PABPC4L: variants seen among roughly 807,000 people sequenced by gnomAD.
PABPC4L encodes polyadenylate-binding protein 4-like.
For synonymous variants in PABPC4L, 169 were observed against 164.1 expected (o/e 1.03, Z -0.23); for missense variants, 452 against 451.4 (o/e 1.00, Z -0.01).
At chr4:134,072,996 G>A in the PABPC4L span, among the ~76,000 whole-genome samples, 10 of 152,034 alleles carry the variant, frequency 6.6e-5, no homozygotes, top group Non-Finnish European at 1.0e-4. Context: ...ATGAGATTTC[G>A]GTGGGGACAC....
At chr4:134,132,524 A>G in the PABPC4L span, among the ~76,000 whole-genome samples, 73 of 152,056 alleles carry the variant, frequency 4.8e-4, no homozygotes, top group East Asian at 0.013. Context: ...ACCACCTCAC[A>G]CTGGCAAGAA....
At chr4:134,125,360 G>T in the PABPC4L span, among the ~76,000 whole-genome samples, 1 of 151,574 alleles carries the variant, frequency 6.6e-6, no homozygotes, top group Non-Finnish European at 1.5e-5. Context: ...TGTGCACAAA[G>T]TGCAGGTTAG....
chr4:134,177,572 A>G, the PABPC4L span, among the ~76,000 whole-genome samples: 1 of 152,224 alleles, frequency 6.6e-6, no homozygotes, highest in Admixed American at 6.5e-5. Flanking sequence ...ACCGGCCCTC[A>G]CTACTGGTAA....
At chr4:134,110,005 T>C in the PABPC4L span, among the ~76,000 whole-genome samples, 14 of 152,090 alleles carry the variant, frequency 9.2e-5, no homozygotes, top group African/African-American at 2.4e-4. Context: ...AATGCAATTA[T>C]GTCATTCATT....
At chr4:134,050,708 A>C in the PABPC4L span, among the ~76,000 whole-genome samples, 2 of 54,578 alleles carry the variant, frequency 3.7e-5, no homozygotes, top group Non-Finnish European at 4.6e-5. Context: ...CCGTCTCCCA[A>C]AAAAAAAAAA....
the PABPC4L span, among the ~76,000 whole-genome samples, chr4:134,065,800 T>C: frequency 3.9e-5 from 6 of 152,118 alleles, no homozygotes; most frequent in African/African-American, 1.4e-4. Flanking sequence ...TTGTATATGG[T>C]GTAAGGAAGG....
At chr4:133,971,244 T>A in the PABPC4L span, among the ~76,000 whole-genome samples, 1 of 149,692 alleles carries the variant, frequency 6.7e-6, no homozygotes, top group Admixed American at 6.7e-5. Context: ...CCGGAGTAGC[T>A]AAGACTACAG....
chr4:134,114,622 G>C, the PABPC4L span, among the ~76,000 whole-genome samples: 1 of 151,728 alleles, frequency 6.6e-6, no homozygotes, highest in Admixed American at 6.6e-5. Flanking sequence ...GATCTTGCAA[G>C]ACCACCATTA....
chr4:133,981,800 A>G, the PABPC4L span, among the ~76,000 whole-genome samples: 276 of 152,042 alleles, frequency 1.8e-3, 1 homozygote, highest in African/African-American at 6.1e-3. Context: ...ATGTTCTGGA[A>G]CTCTTTATTA....
At chr4:134,085,684 T>A in the PABPC4L span, among the ~76,000 whole-genome samples, 2 of 152,182 alleles carry the variant, frequency 1.3e-5, no homozygotes, top group African/African-American at 2.4e-5. Flanking sequence ...ATGCTTTGTT[T>A]TGCATTTGAA....
chr4:134,106,869 C>A, the PABPC4L span, among the ~76,000 whole-genome samples: 1 of 151,332 alleles, frequency 6.6e-6, no homozygotes, highest in South Asian at 2.1e-4. Context: ...CATCATAGGA[C>A]TTTTCCTATG....
At chr4:134,177,700 C>A in the PABPC4L span, among the ~76,000 whole-genome samples, 1 of 152,094 alleles carries the variant, frequency 6.6e-6, no homozygotes, top group African/African-American at 2.4e-5. Context: ...ATATTGTCCC[C>A]TAGGAAACAT....
chr4:134,116,144 C>T, the PABPC4L span, among the ~76,000 whole-genome samples: 1 of 151,742 alleles, frequency 6.6e-6, no homozygotes, highest in Non-Finnish European at 1.5e-5. Flanking sequence ...TCAGGGACTG[C>T]AAAGTAGAAG....
chr4:134,005,505 A>T, the PABPC4L span, among the ~76,000 whole-genome samples: 3 of 151,852 alleles, frequency 2.0e-5, no homozygotes, highest in African/African-American at 7.2e-5. Context: ...TTAGATGCAG[A>T]GATTTTTTAT....
At chr4:134,187,208 A>T in the PABPC4L span, among the ~76,000 whole-genome samples, 1 of 152,092 alleles carries the variant, frequency 6.6e-6, no homozygotes. Flanking sequence ...TAACCAAAGG[A>T]TTATAAATCC....
chr4:134,198,356 T>C lies in PABPC4L; in HGVS notation c.*1551A>G, dbSNP rs1466016620. Reference sequence around the variant, plus strand: ...CTTTTAATTTTTTCATTGTCCATAATTTTTTATGGACTAAAAGATTTTCAT... The same window carrying C: ...CTTTTAATTTTTTCATTGTCCATAACTTTTTATGGACTAAAAGATTTTCAT... On this transcript the variant is annotated 3_prime_UTR_variant, in exon 2 of 2. Transcript: ENST00000421491. The C allele has an allele frequency of 6.6e-6, 1 of 151,660 alleles. No homozygotes were observed. Among genetic ancestry groups the C allele is most frequent in the African/African-American group, 2.4e-5 (1 of 41,426 alleles). 9.4% of individuals were successfully genotyped at this position (151,660 alleles called of 1,614,324 possible).
chr4:134,158,413 G>A, the PABPC4L span, among the ~76,000 whole-genome samples: 1 of 151,900 alleles, frequency 6.6e-6, no homozygotes, highest in Non-Finnish European at 1.5e-5. Flanking sequence ...TTTCTAGGTA[G>A]GAGTTATGGA....
the PABPC4L span, among the ~76,000 whole-genome samples, chr4:134,120,651 T>C: frequency 6.6e-6 from 1 of 151,350 alleles, no homozygotes; most frequent in Non-Finnish European, 1.5e-5. Flanking sequence ...ATTTTAAACA[T>C]GCTATTACAT....
At chr4:134,075,522 T>G in the PABPC4L span, among the ~76,000 whole-genome samples, 1 of 152,178 alleles carries the variant, frequency 6.6e-6, no homozygotes, top group South Asian at 2.1e-4. Flanking sequence ...ATTAATTATC[T>G]GAACTATTCT....
Sources: allele counts gnomAD v4.1 joint callset (sites outside exome capture counted in the v4.1 genomes callset), GRCh38; gene constraint gnomAD v4.1.1; transcripts MANE v1.5; gene names NCBI Gene and HGNC (gene_info 2026-07-23, HGNC 2026-07-21).